SLC2A9: variants seen among roughly 807,000 people sequenced by gnomAD.
SLC2A9 encodes the protein solute carrier family 2, facilitated glucose transporter member 9.
SLC2A9 carries 39 observed loss-of-function variants against 50.6 expected under a neutral mutation model. The ratio of observed to expected loss-of-function variants is 0.77; its 90% CI spans 0.60 to 1.01. The LOEUF (loss-of-function observed/expected upper bound fraction) is 1.01. Ranked by LOEUF, SLC2A9 falls within the 50% of genes least tolerant of loss-of-function variation. The pLI is 0.00. For missense variants in SLC2A9, 686 were observed against 677.6 expected (o/e 1.01, Z -0.14); for synonymous variants, 324 against 276.9 (o/e 1.17, Z -1.69).
intron 6 of SLC2A9, 117 bp downstream of exon 6, chr4:9,941,796 G>T (rs1448619192): frequency 8.2e-6 from 12 of 1,456,914 alleles, no homozygotes; most frequent in Non-Finnish European, 1.1e-5. Context: ...CCCAGTGCCT[G>T]CAAAAAGGAA....
intron 5 of SLC2A9, among the ~76,000 whole-genome samples, chr4:9,945,049 A>AT (rs1349096874): frequency 2.0e-5 from 3 of 152,206 alleles, no homozygotes; most frequent in Non-Finnish European, 4.4e-5. Context: ...TTTATGGAAG[A>AT]ATTTCTGACA....
At chr4:9,841,852 G>C (rs1213398686) in intron 10 of SLC2A9, among the ~76,000 whole-genome samples, 1 of 152,122 alleles carries the variant, frequency 6.6e-6, no homozygotes, top group East Asian at 1.9e-4. Flanking sequence ...AGGGCTGTTT[G>C]GGGGGAAGGT....
chr4:9,979,463 C>T (rs1755339874), intron 5 of SLC2A9, among the ~76,000 whole-genome samples: 1 of 152,112 alleles, frequency 6.6e-6, no homozygotes, highest in South Asian at 2.1e-4. Flanking sequence ...TGCCTACCCT[C>T]CTGCCCTGCC....
At chr4:9,887,440 A>G in intron 10 of SLC2A9, 127 bp downstream of exon 10, 1 of 852,820 alleles carries the variant, frequency 1.2e-6, no homozygotes, top group South Asian at 1.8e-5. Context: ...AAGGCAGCAG[A>G]CACACATCCC....
At chr4:9,844,509 G>A (rs1728632910) in intron 10 of SLC2A9, among the ~76,000 whole-genome samples, 1 of 152,068 alleles carries the variant, frequency 6.6e-6, no homozygotes, top group Admixed American at 6.5e-5. Context: ...CCCCCTCATT[G>A]GTAAATTCCT....
intron 3 of SLC2A9, among the ~76,000 whole-genome samples, chr4:9,805,394 T>C (rs1721983920): frequency 6.6e-6 from 1 of 152,216 alleles, no homozygotes; most frequent in African/African-American, 2.4e-5. Flanking sequence ...TGGTCACTTC[T>C]GAATTAAACT....
chr4:9,892,438 C>T (rs1358439886), intron 8 of SLC2A9, among the ~76,000 whole-genome samples: 1 of 152,204 alleles, frequency 6.6e-6, no homozygotes, highest in African/African-American at 2.4e-5. Context: ...AGCCTTTAAA[C>T]TTGGCCTCCT....
chr4:9,916,849 CT>C (rs1324672054), intron 7 of SLC2A9, among the ~76,000 whole-genome samples: 4 of 152,270 alleles, frequency 2.6e-5, no homozygotes, highest in Non-Finnish European at 4.4e-5. Context: ...AGCCCAAGAA[CT>C]CCCTATCTCC....
intron 6 of SLC2A9, among the ~76,000 whole-genome samples, chr4:9,935,830 C>G (rs1446014734): frequency 6.6e-6 from 1 of 152,080 alleles, no homozygotes; most frequent in Non-Finnish European, 1.5e-5. Flanking sequence ...AGTTTCCATT[C>G]CACTCTTTCC....
At chr4:10,000,457 G>A (rs1373963529) in intron 2 of SLC2A9, among the ~76,000 whole-genome samples, 2 of 152,208 alleles carry the variant, frequency 1.3e-5, no homozygotes, top group Non-Finnish European at 2.9e-5. Context: ...ATTTACAGGA[G>A]TGGTGAGCTT....
rs1209127167 is a variant in SLC2A9, at chr4:9,893,581, GGAGGGAGT to G, written c.1114-2878_1114-2871del. On this transcript the variant is annotated intron_variant, in intron 8 of 11. Coordinates refer to ENST00000264784, the MANE Select transcript of SLC2A9 (RefSeq NM_020041.3). ...CGGAGGGAGAGAATGAGGGAGGGAG[GGAGGGAGT>G]GAGGGAGGGAGGGAGACACAGAGAA... Among the ~76,000 whole-genome samples, 5 of 150,628 alleles carry G rather than the reference GGAGGGAGT, an allele frequency of 3.3e-5. No individual in the cohort carries two copies. In the East Asian group the frequency reaches 7.8e-4, roughly 24 times the overall value.
intron 3 of SLC2A9, among the ~76,000 whole-genome samples, chr4:9,813,387 T>A (rs1036654634): frequency 6.6e-6 from 1 of 152,238 alleles, no homozygotes; most frequent in Non-Finnish European, 1.5e-5. Flanking sequence ...GTCTTGTATT[T>A]CTTTTTTCCC....
intron 3 of SLC2A9, among the ~76,000 whole-genome samples, chr4:9,993,350 A>G (rs547271192): frequency 6.6e-6 from 1 of 152,296 alleles, no homozygotes; most frequent in South Asian, 2.1e-4. Flanking sequence ...TGATGGAATG[A>G]CCCGTCTCAA....
intron 4 of SLC2A9, among the ~76,000 whole-genome samples, chr4:9,985,206 C>T (rs1049793697): frequency 1.2e-4 from 18 of 152,168 alleles, no homozygotes; most frequent in Non-Finnish European, 1.5e-4. Context: ...GCTCCAGGGA[C>T]AGGGTCTTGT....
At chr4:10,020,235 T>C (rs2109552459) in intron 1 of SLC2A9, among the ~76,000 whole-genome samples, 1 of 152,196 alleles carries the variant, frequency 6.6e-6, no homozygotes, top group Middle Eastern at 3.4e-3. Context: ...TCTCCTCTAG[T>C]GCCACCAGCC....
intron 6 of SLC2A9, among the ~76,000 whole-genome samples, chr4:9,938,248 C>T (rs921239612): frequency 6.6e-6 from 1 of 151,052 alleles, no homozygotes; most frequent in Non-Finnish European, 1.5e-5. Context: ...GTCTCCAACC[C>T]ATGGATTAAT....
At chr4:10,012,540 T>C (rs377313976) in intron 2 of SLC2A9, among the ~76,000 whole-genome samples, 4 of 152,322 alleles carry the variant, frequency 2.6e-5, no homozygotes, top group South Asian at 4.1e-4. Context: ...TCTCAGGTAG[T>C]GTTAAATACC....
At chr4:9,966,131 T>C (rs1753012089) in intron 5 of SLC2A9, among the ~76,000 whole-genome samples, 1 of 152,172 alleles carries the variant, frequency 6.6e-6, no homozygotes, top group Non-Finnish European at 1.5e-5. Context: ...GTGGATGACA[T>C]GGGCAGAGTG....
chr4:9,978,042 CG>C, intron 5 of SLC2A9, among the ~76,000 whole-genome samples: 1 of 152,340 alleles, frequency 6.6e-6, no homozygotes, highest in South Asian at 2.1e-4. Flanking sequence ...CACAGGTGCA[CG>C]GTGTCCTAGG....
Sources: gnomAD v4.1 joint callset for allele counts (sites outside exome capture counted in the v4.1 genomes callset) on GRCh38, gnomAD v4.1.1 for gene constraint, MANE v1.5 for transcripts, NCBI Gene and HGNC (gene_info 2026-07-23, HGNC 2026-07-21) for gene names.